The following NRXN3 variants were observed in gnomAD, a reference collection of about 807,000 sequenced individuals.
The protein encoded by NRXN3 is neurexin 3.
In NRXN3, 32 loss-of-function variants were observed where a neutral mutation model predicts 137.6. That is an observed-to-expected ratio of 0.23 (90% CI 0.18 to 0.31). The LOEUF is 0.31. NRXN3 is among the 10% of genes least tolerant of loss of function. The probability of loss-of-function intolerance (pLI) is 1.00; values close to 1 mark genes in which losing one functional copy is unlikely to be tolerated. For synonymous variants in NRXN3, 798 were observed against 784.5 expected (o/e 1.02, Z -0.29); for missense variants, 1,574 against 2,062.5 (o/e 0.76, Z 4.59).
chr14:79,449,145 T>C (rs1452617278), intron 15 of NRXN3, among the ~76,000 whole-genome samples: 1 of 152,204 alleles, frequency 6.6e-6, no homozygotes, highest in Admixed American at 6.5e-5. Context: ...TCTGCATTCA[T>C]CATGTCCGCC....
chr14:78,711,434 C>CTTTTTTTTTTTTTTTTT (rs35251417), intron 7 of NRXN3, among the ~76,000 whole-genome samples: 1 of 99,088 alleles, frequency 1.0e-5, no homozygotes. Flanking sequence ...ATTCTTTTCT[C>CTTTTTTTTTTTTTTTTT]TTTTTTTTTT....
intron 16 of NRXN3, among the ~76,000 whole-genome samples, chr14:79,527,630 T>TG (rs1468093757): frequency 6.6e-6 from 1 of 151,916 alleles, no homozygotes; most frequent in African/African-American, 2.4e-5. Flanking sequence ...CCCAGCACTT[T>TG]GGGGGGCCAA....
At chr14:79,136,369 T>C (rs2058229622) in intron 15 of NRXN3, among the ~76,000 whole-genome samples, 1 of 152,216 alleles carries the variant, frequency 6.6e-6, no homozygotes, top group Non-Finnish European at 1.5e-5. Context: ...GCAGACTTTG[T>C]TGCCACTAAA....
intron 8 of NRXN3, among the ~76,000 whole-genome samples, chr14:78,741,800 C>T (rs2098576211): frequency 2.0e-5 from 3 of 152,088 alleles, no homozygotes; most frequent in Admixed American, 1.3e-4. Context: ...AACTTGGTAC[C>T]CTTGGACTCA....
At chr14:79,704,425 A>G (rs2098768100) in intron 19 of NRXN3, among the ~76,000 whole-genome samples, 1 of 152,134 alleles carries the variant, frequency 6.6e-6, no homozygotes, top group Non-Finnish European at 1.5e-5. Context: ...TATTTACCCA[A>G]AGAATTATCC....
At chr14:78,924,048 G>A (rs918329374) in intron 10 of NRXN3, among the ~76,000 whole-genome samples, 13 of 152,116 alleles carry the variant, frequency 8.5e-5, no homozygotes, top group East Asian at 1.9e-4. Flanking sequence ...CCAGGAGTTC[G>A]AGACCAGCCT....
At chr14:79,814,501 T>TAC (rs2099245686) in intron 20 of NRXN3, among the ~76,000 whole-genome samples, 1 of 152,244 alleles carries the variant, frequency 6.6e-6, no homozygotes, top group African/African-American at 2.4e-5. Context: ...TTGTACTTTT[T>TAC]ACCTGACTTA....
At chr14:79,850,829 G>T (rs545884809) in intron 20 of NRXN3, among the ~76,000 whole-genome samples, 4 of 152,228 alleles carry the variant, frequency 2.6e-5, no homozygotes, top group Non-Finnish European at 4.4e-5. Context: ...GACCAAACAA[G>T]GTTTGTGTAT....
chr14:79,194,184 ATATTACATTT>A (rs1280043564), intron 15 of NRXN3, among the ~76,000 whole-genome samples: 1 of 152,176 alleles, frequency 6.6e-6, no homozygotes, highest in Non-Finnish European at 1.5e-5. Context: ...TCAGACCCTG[ATATTACATTT>A]TCCCAGGATT....
At position 79,504,639 on chromosome 14, in the gene NRXN3, T is replaced by TATATATATATATATATATATA. The variant is rs60009832; in HGVS notation, c.3444+37237_3444+37238insATATATATATATATATATATA. ...TAAACTTCCATTATAAAATGAAGTTTTTTATATATATATATGTATATATAT... is the reference window on the plus strand; with the variant it reads ...TAAACTTCCATTATAAAATGAAGTTTATATATATATATATATATATATTTATATATATATATGTATATATAT... On this transcript the variant is annotated intron_variant, in intron 16 of 20. Coordinates refer to ENST00000335750, the MANE Select transcript of NRXN3 (RefSeq NM_001330195.2). 2.6e-3 allele frequency among the ~76,000 whole-genome samples: 239 copies of TATATATATATATATATATATA among 93,262 alleles called. 10 individuals carry two copies. The highest frequency in any genetic ancestry group is 3.3e-3 in the Non-Finnish European group (146 of 44,888). The allele number at this position is 93,262 out of a possible 152,430, so 61.2% of individuals were successfully genotyped here. A position where few individuals can be genotyped will look rare whatever the true frequency, so the allele number is the denominator to read the frequency against.
intron 3 of NRXN3, among the ~76,000 whole-genome samples, chr14:78,297,618 G>A (rs187748661): frequency 6.6e-6 from 1 of 152,332 alleles, no homozygotes; most frequent in African/African-American, 2.4e-5. Flanking sequence ...TTTCTGCCCA[G>A]CAGCAGGAAG....
At chr14:78,977,897 T>G (rs2153036669) in intron 14 of NRXN3, among the ~76,000 whole-genome samples, 1 of 152,300 alleles carries the variant, frequency 6.6e-6, no homozygotes, top group Non-Finnish European at 1.5e-5. Context: ...AAATCAGTTT[T>G]ATTTTCCTTT....
At chr14:79,221,041 A>G (rs1245129435) in intron 15 of NRXN3, among the ~76,000 whole-genome samples, 1 of 151,982 alleles carries the variant, frequency 6.6e-6, no homozygotes, top group Non-Finnish European at 1.5e-5. Flanking sequence ...GCTGAGAATG[A>G]TGGTTTCCAG....
intron 8 of NRXN3, among the ~76,000 whole-genome samples, chr14:78,748,719 A>G (rs1338432784): frequency 3.3e-5 from 5 of 152,148 alleles, no homozygotes; most frequent in Non-Finnish European, 7.4e-5. Flanking sequence ...GCTATAGAGG[A>G]AGAGGAAAAG....
At chr14:79,831,711 T>C (rs1691876014) in intron 20 of NRXN3, among the ~76,000 whole-genome samples, 1 of 152,172 alleles carries the variant, frequency 6.6e-6, no homozygotes, top group Non-Finnish European at 1.5e-5. Flanking sequence ...ATCTGGCTGC[T>C]GGCAACATTC....
chr14:78,591,442 G>A (rs1481801252), intron 4 of NRXN3, among the ~76,000 whole-genome samples: 1 of 152,150 alleles, frequency 6.6e-6, no homozygotes, highest in Non-Finnish European at 1.5e-5. Context: ...GGACACTGGA[G>A]GAAGAAGTGT....
intron 4 of NRXN3, among the ~76,000 whole-genome samples, chr14:78,486,131 ATG>A (rs999118534): frequency 3.3e-5 from 5 of 152,236 alleles, no homozygotes; most frequent in African/African-American, 9.6e-5. Flanking sequence ...CAATAGGCTT[ATG>A]GTGGTACTTA....
intron 15 of NRXN3, among the ~76,000 whole-genome samples, chr14:79,386,232 C>A (rs146590042): frequency 2.0e-5 from 3 of 152,088 alleles, no homozygotes; most frequent in Non-Finnish European, 2.9e-5. Context: ...AATCTCCTTA[C>A]GCTGAGAGGC....
chr14:78,638,783 A>G (rs2097588116), intron 4 of NRXN3, among the ~76,000 whole-genome samples: 1 of 152,204 alleles, frequency 6.6e-6, no homozygotes, highest in Admixed American at 6.5e-5. Flanking sequence ...TTCTTTTGCC[A>G]GCAAAATACT....
Sources: gnomAD v4.1 joint callset for allele counts (sites outside exome capture counted in the v4.1 genomes callset) on GRCh38, gnomAD v4.1.1 for gene constraint, MANE v1.5 for transcripts, NCBI Gene and HGNC (gene_info 2026-07-23, HGNC 2026-07-21) for gene names.